MEF2C: variants seen among roughly 807,000 people sequenced by gnomAD.
MEF2C encodes myocyte-specific enhancer factor 2C.
In MEF2C, 6 loss-of-function variants were observed where a neutral mutation model predicts 50.5. That is an observed-to-expected ratio of 0.12 (90% CI 0.07 to 0.23). The LOEUF (loss-of-function observed/expected upper bound fraction) is 0.23, where lower values mean the gene tolerates loss of function less well. Among genes scored for constraint, MEF2C ranks in the 10% least tolerant of loss-of-function variants. MEF2C has a pLI of 1.00. For missense variants in MEF2C, 276 were observed against 605.0 expected (o/e 0.46, Z 5.70); for synonymous variants, 183 against 228.0 (o/e 0.80, Z 1.78).
intron 2 of MEF2C, among the ~76,000 whole-genome samples, chr5:88,808,279 A>T (rs1801382149): frequency 6.6e-6 from 1 of 152,170 alleles, no homozygotes; most frequent in Non-Finnish European, 1.5e-5. Context: ...ACTGACCTAG[A>T]CTACTTTCAT....
intron 6 of MEF2C, chr5:88,734,565 G>GTTTTTTTTTGTT: frequency 1.9e-6 from 1 of 537,488 alleles, no homozygotes; most frequent in Non-Finnish European, 2.1e-6. Flanking sequence ...AGAAAAGTTT[G>GTTTTTTTTTGTT]TTTTTTTTTT....
At chr5:88,858,019 A>G (rs574802624) in intron 1 of MEF2C, among the ~76,000 whole-genome samples, 1 of 152,354 alleles carries the variant, frequency 6.6e-6, no homozygotes, top group African/African-American at 2.4e-5. Flanking sequence ...TCTGTGAATT[A>G]AATACATGCA....
intron 1 of MEF2C, among the ~76,000 whole-genome samples, chr5:88,841,853 T>A (rs960345107): frequency 6.6e-6 from 1 of 152,248 alleles, no homozygotes; most frequent in Non-Finnish European, 1.5e-5. Flanking sequence ...TACACACTCC[T>A]GATAGCACAT....
intron 1 of MEF2C, among the ~76,000 whole-genome samples, chr5:88,874,783 G>A (rs1830569663): frequency 6.6e-6 from 1 of 151,862 alleles, no homozygotes; most frequent in Admixed American, 6.6e-5. Context: ...TTAGTGTAGT[G>A]GGTTAACAAC....
At chr5:88,739,042 A>T in intron 6 of MEF2C, 1 of 982,506 alleles carries the variant, frequency 1.0e-6, no homozygotes, top group South Asian at 4.7e-5. Flanking sequence ...AATATACTTA[A>T]ATGGTAATGA....
upstream of MEF2C, among the ~76,000 whole-genome samples, chr5:88,885,807 C>A (rs1196064446): frequency 6.6e-6 from 1 of 152,190 alleles, no homozygotes; most frequent in Admixed American, 6.5e-5. Context: ...TTGACATGAG[C>A]AAACACATAG....
chr5:88,877,929 T>G (rs1831573110), intron 1 of MEF2C: 1 of 152,034 alleles, frequency 6.6e-6, no homozygotes, highest in African/African-American at 2.4e-5. Flanking sequence ...CATGCTGCTA[T>G]TCACTTACGT....
chr5:88,799,909 CACACAGAGAG>C (rs778870428), intron 3 of MEF2C, among the ~76,000 whole-genome samples: 2,105 of 126,394 alleles, frequency 0.017, 33 homozygotes, highest in African/African-American at 0.041. Context: ...CACACACACA[CACACAGAGAG>C]AGAGACACAC....
At chr5:88,834,001 G>A (rs1463494147) in intron 1 of MEF2C, among the ~76,000 whole-genome samples, 1 of 152,122 alleles carries the variant, frequency 6.6e-6, no homozygotes, top group Non-Finnish European at 1.5e-5. Flanking sequence ...TGTAGTTATA[G>A]CATTCCTCTC....
At chr5:88,779,471 C>T (rs746762345) in intron 3 of MEF2C, among the ~76,000 whole-genome samples, 4 of 152,028 alleles carry the variant, frequency 2.6e-5, no homozygotes, top group Non-Finnish European at 2.9e-5. Flanking sequence ...AGATAGAAAT[C>T]AATGAAAGTT....
chr5:88,782,941 T>C (rs565124713), intron 3 of MEF2C, among the ~76,000 whole-genome samples: 6 of 152,354 alleles, frequency 3.9e-5, no homozygotes, highest in South Asian at 2.1e-4. Context: ...TATCTTTTTA[T>C]TTATGTGAAT....
chr5:88,722,966 C>T (rs962225294), intron 10 of MEF2C, 41 bp from the exon 11 acceptor site: 2 of 1,488,756 alleles, frequency 1.3e-6, no homozygotes, highest in Non-Finnish European at 1.8e-6. Context: ...TGAAGGAGGC[C>T]TGGAGGCCCC....
At chr5:88,824,253 A>G in intron 1 of MEF2C, 1 of 949,970 alleles carries the variant, frequency 1.1e-6, no homozygotes. Context: ...ATTAGGTGAC[A>G]ATTTCACCCG....
At chr5:88,854,683 C>A (rs569217728) in intron 1 of MEF2C, among the ~76,000 whole-genome samples, 42 of 152,162 alleles carry the variant, frequency 2.8e-4, no homozygotes, top group African/African-American at 8.4e-4. Flanking sequence ...ATAGAGAAAA[C>A]AAAGATGAGT....
chr5:88,751,885 T>G lies in MEF2C; in HGVS notation c.561A>C (p.Thr187=). 1 of 1,613,942 alleles carries G rather than the reference T, an allele frequency of 6.2e-7. No homozygotes were observed. The highest frequency in any genetic ancestry group is 8.5e-7 in the Non-Finnish European group (1 of 1,179,848). The change falls in exon 5 of 11, where the codon ACA becomes ACC. Residue 187 remains threonine, a synonymous_variant. Transcript: ENST00000504921. ...LQRNSMSPGV[T]HRPPSAGNTG... Reference sequence around the variant, plus strand: ...TGTTACCTGCACTTGGAGGTCGATGTGTTACACCAGGAGACATACTATTCC... The same window carrying G: ...TGTTACCTGCACTTGGAGGTCGATGGGTTACACCAGGAGACATACTATTCC...
At chr5:88,764,003 T>G (rs1778937404) in intron 3 of MEF2C, among the ~76,000 whole-genome samples, 1 of 152,206 alleles carries the variant, frequency 6.6e-6, no homozygotes, top group South Asian at 2.1e-4. Flanking sequence ...AATGTTAATT[T>G]ATAGTCTTAT....
chr5:88,752,868 A>G (rs888870411), intron 4 of MEF2C: 2 of 583,110 alleles, frequency 3.4e-6, no homozygotes. Context: ...ACATAGGAAC[A>G]TAATTGTAGC....
At chr5:88,879,436 T>C (rs901771464) in intron 1 of MEF2C, among the ~76,000 whole-genome samples, 1 of 151,432 alleles carries the variant, frequency 6.6e-6, no homozygotes, top group African/African-American at 2.4e-5. Context: ...ATGTTTCACA[T>C]ATATGGATTC....
At chr5:88,855,622 G>C (rs569210417) in intron 1 of MEF2C, among the ~76,000 whole-genome samples, 1 of 152,256 alleles carries the variant, frequency 6.6e-6, no homozygotes, top group East Asian at 1.9e-4. Flanking sequence ...GAATCATAGG[G>C]GAGGTTTCTC....
Sources: gnomAD v4.1 joint callset for allele counts (sites outside exome capture counted in the v4.1 genomes callset) on GRCh38, gnomAD v4.1.1 for gene constraint, MANE v1.5 for transcripts, NCBI Gene and HGNC (gene_info 2026-07-23, HGNC 2026-07-21) for gene names.